PRDM16: variants seen among roughly 807,000 people sequenced by gnomAD.
PRDM16 encodes PR/SET domain 16.
PRDM16 carries 23 observed loss-of-function variants against 110.6 expected under a neutral mutation model. The ratio of observed to expected loss-of-function variants is 0.21; its 90% CI spans 0.15 to 0.29. The LOEUF (loss-of-function observed/expected upper bound fraction) is 0.29. Among genes scored for constraint, PRDM16 ranks in the 10% least tolerant of loss-of-function variants. The pLI, the probability that PRDM16 is intolerant of heterozygous loss-of-function variation, is 1.00. For synonymous variants in PRDM16, 799 were observed against 781.8 expected, an observed-to-expected ratio of 1.02 and a Z score of -0.37; for missense variants, 1,615 against 1,794.3, an observed-to-expected ratio of 0.90 and a Z score of 1.81.
intron 14 of PRDM16, among the ~76,000 whole-genome samples, chr1:3,429,604 C>G (rs1638710597): frequency 6.6e-6 from 1 of 152,232 alleles, no homozygotes; most frequent in Non-Finnish European, 1.5e-5. Context: ...GGGCACCTCA[C>G]CAACAACCAG....
intron 1 of PRDM16, among the ~76,000 whole-genome samples, chr1:3,110,702 CT>C (rs1239876002): frequency 6.6e-6 from 1 of 152,226 alleles, no homozygotes; most frequent in Non-Finnish European, 1.5e-5. Flanking sequence ...TCAAGATCAG[CT>C]TGGTGTGAAC....
In PRDM16 at chr1:3,408,546, A is replaced by G. The variant is rs139593785; in HGVS notation, c.1187-2838A>G. On this transcript the variant is annotated intron_variant, in intron 8 of 16. Transcript: ENST00000270722. ...TGTGTGAGAGCGTGTGTGTGGACAC[A>G]TGAGCTGGTGCATGTGTCGGTGCGT... Among the ~76,000 whole-genome samples the G allele has an allele frequency of 4.4e-3, 512 of 117,674 alleles. 3 individuals carry two copies. Among genetic ancestry groups the G allele is most frequent in the African/African-American group, 0.018 (476 of 26,954 alleles). 77.2% of individuals were successfully genotyped at this position (117,674 alleles called of 152,430 possible).
chr1:3,181,244 A>G (rs368848387), intron 1 of PRDM16, among the ~76,000 whole-genome samples: 377 of 48,350 alleles, frequency 7.8e-3, no homozygotes, highest in Middle Eastern at 0.033. Flanking sequence ...TCTTACACAC[A>G]GTCTTACACA....
intron 3 of PRDM16, among the ~76,000 whole-genome samples, chr1:3,288,020 G>T (rs1239575087): frequency 6.6e-6 from 1 of 152,258 alleles, no homozygotes; most frequent in East Asian, 1.9e-4. Flanking sequence ...GTGGGCGGAG[G>T]CCCTGACCAA....
intron 1 of PRDM16, among the ~76,000 whole-genome samples, chr1:3,181,473 CGCAGTCTT>C (rs1644182253): frequency 4.9e-5 from 2 of 41,050 alleles, no homozygotes; most frequent in Non-Finnish European, 8.3e-5. Flanking sequence ...GTCTTACACA[CGCAGTCTT>C]ACACACAGCC....
intron 4 of PRDM16, among the ~76,000 whole-genome samples, chr1:3,394,160 C>T (rs1427117430): frequency 2.6e-5 from 4 of 151,872 alleles, no homozygotes; most frequent in Admixed American, 6.6e-5. Context: ...CGCCGCGGAT[C>T]AGAGGAGGGA....
In PRDM16 at chr1:3,393,373, C is replaced by T. The variant is rs1050461411; in HGVS notation, c.574-3118C>T. On this transcript the variant is annotated intron_variant, in intron 4 of 16. Coordinates refer to ENST00000270722, the MANE Select transcript of PRDM16 (RefSeq NM_022114.4). ...TCAGAGACTCCAGACTTTATTTTTG[C>T]TTCAACAGACTTCTCCCACCATGCT... Among the ~76,000 whole-genome samples, 18 of 152,340 alleles carry T rather than the reference C, an allele frequency of 1.2e-4. 1 individual carries two copies. The highest frequency in any genetic ancestry group is 1.0e-3 in the Admixed American group (16 of 15,308).
intron 1 of PRDM16, among the ~76,000 whole-genome samples, chr1:3,180,228 G>A (rs1365708792): frequency 6.6e-6 from 1 of 150,770 alleles, no homozygotes; most frequent in African/African-American, 2.4e-5. Flanking sequence ...CACCCCCCAG[G>A]CCAAGACAAG....
At position 3,355,752 on chromosome 1, in the gene PRDM16, C is replaced by T. The variant is rs370536989; in HGVS notation, c.439-29400C>T. Among the ~76,000 whole-genome samples the T allele has an allele frequency of 1.5e-3, 224 of 152,272 alleles. 1 individual carries two copies. The highest frequency in any genetic ancestry group is 9.1e-3 in the South Asian group (44 of 4,824). ...CAGCCGCCACCCTGAGGGTCTGAAC[C>T]GTTCAGGGGTTGCGGTCCACTTGCC... is the stretch of plus-strand genomic sequence containing the variant. On this transcript the variant is annotated intron_variant, in intron 3 of 16. Coordinates refer to ENST00000270722, the MANE Select transcript of PRDM16 (RefSeq NM_022114.4).
rs144438380 is a variant in PRDM16, at chr1:3,298,861, G to T, written c.438+54724G>T. 2.6e-5 allele frequency among the ~76,000 whole-genome samples: 4 copies of T among 152,316 alleles called. No homozygotes were observed. The East Asian group carries it at 7.7e-4, about 29-fold the overall frequency. On this transcript the variant is annotated intron_variant, in intron 3 of 16. Coordinates refer to ENST00000270722, the MANE Select transcript of PRDM16 (RefSeq NM_022114.4). ...TGGCCAAAAAGAGCTTTTGTCTTTGGACTTTTGCTTTGCTGTAAGTCCCTT... is the reference window on the plus strand; with the variant it reads ...TGGCCAAAAAGAGCTTTTGTCTTTGTACTTTTGCTTTGCTGTAAGTCCCTT...
chr1:3,317,413 C>T (rs575829952), intron 3 of PRDM16, among the ~76,000 whole-genome samples: 6 of 152,354 alleles, frequency 3.9e-5, no homozygotes, highest in African/African-American at 9.6e-5. Flanking sequence ...AGCCGCTGCA[C>T]GATGCTGGCT....
Position 3,436,926 on chromosome 1 carries a change from CGAA to C in PRDM16, c.*3117_*3119del, listed in dbSNP as rs937488458. 1.3e-5 allele frequency: 3 copies of C among 231,436 alleles called. No individual in the cohort carries two copies. Among genetic ancestry groups the C allele is most frequent in the Non-Finnish European group, 2.6e-5 (3 of 117,220 alleles). 14.3% of individuals were successfully genotyped at this position (231,436 alleles called of 1,614,324 possible). ...ACCCCCATCCCCCAAATGGAAATTC[CGAA>C]GGAGGCCTCCTCGCACCTGCCCTCC... On this transcript the variant is annotated 3_prime_UTR_variant, in exon 17 of 17. Transcript: ENST00000270722.
At chr1:3,235,860 G>A (rs534792236) in intron 2 of PRDM16, among the ~76,000 whole-genome samples, 20 of 152,350 alleles carry the variant, frequency 1.3e-4, no homozygotes, top group Admixed American at 1.2e-3. Context: ...CCTGTGTGGG[G>A]CGGAGCTCTG....
In PRDM16 at chr1:3,411,654, A is replaced by G. The variant is rs769672374; in HGVS notation, c.1457A>G (p.Asn486Ser). 2.5e-6 allele frequency: 4 copies of G among 1,613,330 alleles called. No individual in the cohort carries two copies. In the Admixed American group the frequency reaches 5.0e-5, roughly 20 times the overall value. Residue 486 changes from asparagine (N) to serine (S), a missense_variant, in exon 9 of 17, where the codon AAC (asparagine) becomes AGC (serine). Asn to Ser is a conservative substitution (Grantham distance 46). Coordinates refer to ENST00000270722, the MANE Select transcript of PRDM16 (RefSeq NM_022114.4). Reference sequence around the variant, plus strand: ...CTCAATCACGCCAGCCTGGGCTTCAACGAGTACTTTCCCTCCAGGCCGCAC... The same window carrying G: ...CTCAATCACGCCAGCCTGGGCTTCAGCGAGTACTTTCCCTCCAGGCCGCAC... ...PSLNHASLGF[N>S]EYFPSRPHPG...
rs769869471 is a variant in PRDM16, at chr1:3,365,948, ACGCATG to A, written c.439-19202_439-19197del. 2.1e-5 allele frequency among the ~76,000 whole-genome samples: 3 copies of A among 144,878 alleles called. No homozygotes were observed. In the East Asian group the frequency reaches 5.8e-4, roughly 28 times the overall value. On this transcript the variant is annotated intron_variant, in intron 3 of 16. Transcript: ENST00000270722. ...CACGCACACATGCACACAAACGCAC[ACGCATG>A]CACACATGCACACACACGCACACAC...
intron 2 of PRDM16, among the ~76,000 whole-genome samples, chr1:3,232,653 G>T (rs955573209): frequency 2.0e-5 from 3 of 152,204 alleles, no homozygotes; most frequent in Non-Finnish European, 2.9e-5. Flanking sequence ...GCCAAGGGGG[G>T]TAGTGACACT....
At position 3,141,836 on chromosome 1, in the gene PRDM16, C is replaced by T. The variant is rs181653774; in HGVS notation, c.38-44289C>T. Among the ~76,000 whole-genome samples, 179 of 152,352 alleles carry T rather than the reference C, an allele frequency of 1.2e-3. 1 individual carries two copies. Among genetic ancestry groups the T allele is most frequent in the African/African-American group, 3.9e-3 (163 of 41,582 alleles). ...CTCACTGTCTCAGTTGGGGTGGGGGCGGCCTTCAGTCGGTCAGATGGACCC... is the reference window on the plus strand; with the variant it reads ...CTCACTGTCTCAGTTGGGGTGGGGGTGGCCTTCAGTCGGTCAGATGGACCC... On this transcript the variant is annotated intron_variant, in intron 1 of 16. Transcript: ENST00000270722.
At chr1:3,269,753 A>G (rs1397103345) in intron 3 of PRDM16, among the ~76,000 whole-genome samples, 1 of 149,162 alleles carries the variant, frequency 6.7e-6, no homozygotes, top group Non-Finnish European at 1.5e-5. Flanking sequence ...CAGGAGGAGC[A>G]TAGTCCTGGA....
intron 1 of PRDM16, among the ~76,000 whole-genome samples, chr1:3,089,911 T>C (rs1359139076): frequency 2.8e-5 from 4 of 141,610 alleles, no homozygotes; most frequent in African/African-American, 5.6e-5. Flanking sequence ...GCGTCTAAAA[T>C]CCACTCATTC....
Sources: allele counts gnomAD v4.1 joint callset (sites outside exome capture counted in the v4.1 genomes callset), GRCh38; gene constraint gnomAD v4.1.1; transcripts MANE v1.5; gene names NCBI Gene and HGNC (gene_info 2026-07-23, HGNC 2026-07-21).